Variants in IL1RAPL1 observed in about 807,000 individuals in gnomAD.
IL1RAPL1 encodes the protein interleukin-1 receptor accessory protein-like 1.
A neutral mutation model predicts 48.4 loss-of-function variants in IL1RAPL1; 3 were observed. That is an observed-to-expected ratio of 0.06 (90% confidence interval 0.03 to 0.16). The LOEUF is 0.16. Ranked by LOEUF, IL1RAPL1 falls within the 10% of genes least tolerant of loss-of-function variation. The pLI is 1.00. For missense variants in IL1RAPL1, 349 were observed against 530.6 expected, an observed-to-expected ratio of 0.66 and a Z score of 3.36; for synonymous variants, 185 against 187.7, an observed-to-expected ratio of 0.99 and a Z score of 0.12.
At chrX:28,622,314 T>C (rs896539544) in intron 1 of IL1RAPL1, among the ~76,000 whole-genome samples, 12 of 111,864 alleles carry the variant, frequency 1.1e-4, no homozygotes, top group African/African-American at 3.9e-4. Context: ...AAGAAATTTA[T>C]GTTTGTGGTC....
chrX:29,633,800 T>A (rs1924873632), intron 5 of IL1RAPL1, among the ~76,000 whole-genome samples: 1 of 108,294 alleles, frequency 9.2e-6, no homozygotes, highest in Admixed American at 9.7e-5. Context: ...CCACATGATC[T>A]TCCTTCCTGT....
intron 2 of IL1RAPL1, among the ~76,000 whole-genome samples, chrX:29,212,272 G>A (rs1188730978): frequency 9.0e-6 from 1 of 110,591 alleles, no homozygotes; most frequent in African/African-American, 3.3e-5. Context: ...AGCTCCCCAC[G>A]ACCATGCAGT....
intron 2 of IL1RAPL1, among the ~76,000 whole-genome samples, chrX:29,239,982 G>A (rs62586250): frequency 0.39 from 41,927 of 106,430 alleles, 8,104 homozygotes; most frequent in Non-Finnish European, 0.58. Flanking sequence ...ACTTAAGGAT[G>A]GTTATTATTA....
At chrX:29,080,374 G>A (rs778535914) in intron 2 of IL1RAPL1, among the ~76,000 whole-genome samples, 36 of 108,902 alleles carry the variant, frequency 3.3e-4, no homozygotes, top group South Asian at 2.0e-3. Flanking sequence ...ACAAGACCCC[G>A]TCTCAAATAA....
rs147003494 is a variant in IL1RAPL1, at chrX:28,999,860, G to A, written c.82+210435G>A. Among the ~76,000 whole-genome samples the A allele has an allele frequency of 6.3e-5, 7 of 111,768 alleles. No homozygotes were observed. The East Asian group carries it at 2.0e-3, about 31-fold the overall frequency. ...GTTATCTATATAGTCAGTATTCAAT[G>A]CCTTTTCAAATATAATTCAACAAGG... On this transcript the variant is annotated intron_variant, in intron 2 of 10. Coordinates refer to ENST00000378993, the MANE Select transcript of IL1RAPL1 (RefSeq NM_014271.4).
chrX:29,290,313 A>G (rs1399982011), intron 3 of IL1RAPL1, among the ~76,000 whole-genome samples: 3 of 111,951 alleles, frequency 2.7e-5, no homozygotes, highest in Non-Finnish European at 5.6e-5. Context: ...TCTCTGAAAG[A>G]TGGAAGAAAT....
At chrX:28,655,407 G>T (rs760987945) in intron 1 of IL1RAPL1, among the ~76,000 whole-genome samples, 1 of 111,064 alleles carries the variant, frequency 9.0e-6, no homozygotes, top group East Asian at 2.8e-4. Flanking sequence ...TACATGTGCA[G>T]GTTGTTATAT....
intron 2 of IL1RAPL1, among the ~76,000 whole-genome samples, chrX:29,278,387 G>A (rs1181701042): frequency 9.0e-6 from 1 of 111,657 alleles, no homozygotes; most frequent in African/African-American, 3.3e-5. Flanking sequence ...TAACAAAAAT[G>A]AATGAATATG....
At chrX:28,833,174 T>A (rs1483947910) in intron 2 of IL1RAPL1, among the ~76,000 whole-genome samples, 2 of 111,560 alleles carry the variant, frequency 1.8e-5, no homozygotes, top group Non-Finnish European at 3.8e-5. Flanking sequence ...TACAGCTGCA[T>A]AGTATTCCAT....
At chrX:29,740,122 G>GAAAAAAAA (rs1172511347) in intron 6 of IL1RAPL1, among the ~76,000 whole-genome samples, 2 of 52,330 alleles carry the variant, frequency 3.8e-5, no homozygotes, top group East Asian at 8.8e-4. Flanking sequence ...CAAAAAAACA[G>GAAAAAAAA]AAAAAAAAAA....
At chrX:29,886,390 C>G (rs1057431471) in intron 6 of IL1RAPL1, among the ~76,000 whole-genome samples, 5 of 111,997 alleles carry the variant, frequency 4.5e-5, no homozygotes, top group African/African-American at 1.6e-4. Flanking sequence ...TTTTGCCCCT[C>G]TATTTCACTC....
At chrX:29,761,748 A>C (rs2147145750) in intron 6 of IL1RAPL1, among the ~76,000 whole-genome samples, 1 of 107,942 alleles carries the variant, frequency 9.3e-6, no homozygotes, top group East Asian at 3.0e-4. Flanking sequence ...AATTTTGTAT[A>C]TATCACTTGA....
chrX:29,557,915 C>A (rs1447829796), intron 5 of IL1RAPL1, among the ~76,000 whole-genome samples: 1 of 110,214 alleles, frequency 9.1e-6, no homozygotes, highest in Non-Finnish European at 1.9e-5. Flanking sequence ...GTATATATAT[C>A]ATTTTCTTTA....
intron 2 of IL1RAPL1, among the ~76,000 whole-genome samples, chrX:29,041,755 A>G (rs1453714922): frequency 1.8e-5 from 2 of 112,190 alleles, no homozygotes; most frequent in South Asian, 3.7e-4. Flanking sequence ...TTCAGCCAAA[A>G]AGATGACAGT....
intron 1 of IL1RAPL1, among the ~76,000 whole-genome samples, chrX:28,638,332 G>A (rs866763821): frequency 3.4e-4 from 38 of 111,369 alleles, no homozygotes; most frequent in African/African-American, 9.1e-4. Flanking sequence ...GGCAAGAAGA[G>A]TAGTCAAGTA....
At chrX:29,005,699 T>A (rs550219403) in intron 2 of IL1RAPL1, among the ~76,000 whole-genome samples, 2 of 111,707 alleles carry the variant, frequency 1.8e-5, no homozygotes, top group South Asian at 7.5e-4. Flanking sequence ...ATGTTTTAAA[T>A]ATGTACCTAA....
chrX:28,723,607 G>A (rs1279718588), intron 1 of IL1RAPL1, among the ~76,000 whole-genome samples: 6 of 111,414 alleles, frequency 5.4e-5, no homozygotes, highest in African/African-American at 2.0e-4. Context: ...GTTCTGCTCT[G>A]ATCTTAGTTA....
intron 3 of IL1RAPL1, among the ~76,000 whole-genome samples, chrX:29,384,757 G>A (rs1933753329): frequency 8.9e-6 from 1 of 111,984 alleles, no homozygotes; most frequent in African/African-American, 3.2e-5. Flanking sequence ...TGTAGTATAT[G>A]TCACAAATAA....
chrX:29,926,198 C>A (rs867836703), intron 8 of IL1RAPL1, among the ~76,000 whole-genome samples: 7 of 111,871 alleles, frequency 6.3e-5, no homozygotes, highest in Middle Eastern at 4.6e-3. Flanking sequence ...GGCCTCTTAG[C>A]CATTTTGGTC....
Sources: gnomAD v4.1 joint callset for allele counts (sites outside exome capture counted in the v4.1 genomes callset) on GRCh38, gnomAD v4.1.1 for gene constraint, MANE v1.5 for transcripts, NCBI Gene and HGNC (gene_info 2026-07-23, HGNC 2026-07-21) for gene names.